The following STAC variants were observed in gnomAD, a reference collection of about 807,000 sequenced individuals.
STAC encodes SH3 and cysteine-rich domain-containing protein.
STAC carries 43 observed loss-of-function variants against 48.8 expected under a neutral mutation model. The ratio of observed to expected loss-of-function variants is 0.88; its 90% CI spans 0.69 to 1.14. The LOEUF (loss-of-function observed/expected upper bound fraction) is 1.14. STAC is among the 50% of genes most tolerant of loss of function. The pLI, the probability that STAC is intolerant of heterozygous loss-of-function variation, is 0.00. For missense variants in STAC, 497 were observed against 504.0 expected, an observed-to-expected ratio of 0.99 and a Z score of 0.13; for synonymous variants, 193 against 179.5, an observed-to-expected ratio of 1.07 and a Z score of -0.60.
intron 1 of STAC, among the ~76,000 whole-genome samples, chr3:36,409,081 G>A (rs1398657615): frequency 6.6e-6 from 1 of 152,180 alleles, no homozygotes; most frequent in Non-Finnish European, 1.5e-5. Flanking sequence ...GTAAAGGATT[G>A]AAGTCAAGGT....
chr3:36,445,468 G>A (rs1696481953), intron 2 of STAC, among the ~76,000 whole-genome samples: 1 of 152,148 alleles, frequency 6.6e-6, no homozygotes. Flanking sequence ...TGGAGCAGAA[G>A]GGAAGGGGAG....
chr3:36,532,192 G>A lies in STAC; in HGVS notation c.1110+3207G>A, dbSNP rs139808994. On this transcript the variant is annotated intron_variant, in intron 10 of 10. Transcript: ENST00000273183. ...GCTTATATAGATGCAATAACCCCAAGAGGTGTATGCCATCTAACGATTTTT... is the reference window on the plus strand; with the variant it reads ...GCTTATATAGATGCAATAACCCCAAAAGGTGTATGCCATCTAACGATTTTT... 3.1e-3 allele frequency among the ~76,000 whole-genome samples: 466 copies of A among 152,204 alleles called. 5 individuals carry two copies. Among genetic ancestry groups the A allele is most frequent in the Non-Finnish European group, 2.7e-3 (185 of 68,010 alleles).
At chr3:36,457,727 G>A (rs1478451344) in intron 2 of STAC, among the ~76,000 whole-genome samples, 3 of 152,174 alleles carry the variant, frequency 2.0e-5, no homozygotes, top group East Asian at 3.9e-4. Context: ...CCAGATGGTC[G>A]TGAGAAAATG....
At chr3:36,536,628 T>C (rs911315801) in intron 10 of STAC, among the ~76,000 whole-genome samples, 3 of 152,058 alleles carry the variant, frequency 2.0e-5, no homozygotes, top group African/African-American at 7.2e-5. Flanking sequence ...AGGCAAAGAC[T>C]TCCTGACGAA....
intron 8 of STAC, among the ~76,000 whole-genome samples, chr3:36,522,384 G>A (rs948503114): frequency 3.9e-5 from 6 of 152,108 alleles, no homozygotes; most frequent in Non-Finnish European, 7.4e-5. Flanking sequence ...ACCATCTAAT[G>A]GGCGCTTATC....
intron 1 of STAC, among the ~76,000 whole-genome samples, chr3:36,394,975 T>G (rs1187506544): frequency 1.3e-5 from 2 of 151,280 alleles, no homozygotes; most frequent in Non-Finnish European, 1.5e-5. Flanking sequence ...GGGAGAGAGA[T>G]AACTCAGGAA....
chr3:36,541,342 A>C (rs1699319751), intron 10 of STAC, among the ~76,000 whole-genome samples: 1 of 152,220 alleles, frequency 6.6e-6, no homozygotes, highest in African/African-American at 2.4e-5. Context: ...AGGGATGGGC[A>C]ACAGAATGAA....
chr3:36,429,692 G>A (rs1700647158), intron 1 of STAC, among the ~76,000 whole-genome samples: 1 of 152,104 alleles, frequency 6.6e-6, no homozygotes, highest in African/African-American at 2.4e-5. Flanking sequence ...TGCCTCCTCG[G>A]AATTGAGTTG....
chr3:36,483,680 C>T (rs1483505221), intron 3 of STAC, among the ~76,000 whole-genome samples: 5 of 152,186 alleles, frequency 3.3e-5, no homozygotes. Context: ...AAGCCAGGCA[C>T]AATGGCTCAC....
intron 10 of STAC, among the ~76,000 whole-genome samples, chr3:36,544,927 G>C (rs898374566): frequency 6.6e-6 from 1 of 152,128 alleles, no homozygotes; most frequent in Non-Finnish European, 1.5e-5. Context: ...TCTGAAGCAC[G>C]AGTCAGATAC....
chr3:36,396,002 A>C (rs145480755), intron 1 of STAC, among the ~76,000 whole-genome samples: 193 of 152,156 alleles, frequency 1.3e-3, no homozygotes, highest in African/African-American at 3.9e-3. Flanking sequence ...TCAGTCCTAG[A>C]GTCTTTCTGG....
intron 1 of STAC, among the ~76,000 whole-genome samples, chr3:36,406,599 T>C (rs1700092576): frequency 6.6e-6 from 1 of 152,232 alleles, no homozygotes; most frequent in Non-Finnish European, 1.5e-5. Context: ...CAGCATGTGT[T>C]ATAATGTGTC....
chr3:36,387,567 T>C (rs935747201), intron 1 of STAC, among the ~76,000 whole-genome samples: 4 of 152,136 alleles, frequency 2.6e-5, no homozygotes, highest in African/African-American at 4.8e-5. Flanking sequence ...GGGTTTACCA[T>C]ATAAGAGAAA....
chr3:36,423,799 A>G (rs1381691621), intron 1 of STAC, among the ~76,000 whole-genome samples: 1 of 152,130 alleles, frequency 6.6e-6, no homozygotes, highest in Non-Finnish European at 1.5e-5. Context: ...TGTTGCTACA[A>G]GATGTTTTCA....
intron 8 of STAC, among the ~76,000 whole-genome samples, chr3:36,511,581 A>G (rs1370655046): frequency 6.6e-6 from 1 of 152,238 alleles, no homozygotes; most frequent in Non-Finnish European, 1.5e-5. Context: ...ATTAGCACTC[A>G]AAACTATTTA....
intron 1 of STAC, among the ~76,000 whole-genome samples, chr3:36,418,925 T>TA (rs200133141): frequency 0.023 from 3,515 of 151,612 alleles, 60 homozygotes; most frequent in Non-Finnish European, 0.026. Flanking sequence ...TGCATGCCTG[T>TA]ACTCCCAGCT....
chr3:36,544,422 G>A lies in STAC; in HGVS notation c.1111-1769G>A, dbSNP rs568434897. On this transcript the variant is annotated intron_variant, in intron 10 of 10. Coordinates refer to ENST00000273183, the MANE Select transcript of STAC (RefSeq NM_003149.3). ...TGACCCCAAGTGATCCACCCATCTC[G>A]GCCTCCCAAAGTGCTGGGATTACAG... 2.2e-3 allele frequency among the ~76,000 whole-genome samples: 335 copies of A among 152,080 alleles called. 2 individuals carry two copies. The highest frequency in any genetic ancestry group is 4.3e-3 in the Admixed American group (65 of 15,284).
chr3:36,429,691 G>A (rs538478648), intron 1 of STAC, among the ~76,000 whole-genome samples: 2 of 152,230 alleles, frequency 1.3e-5, no homozygotes, highest in East Asian at 1.9e-4. Context: ...TTGCCTCCTC[G>A]GAATTGAGTT....
intron 1 of STAC, among the ~76,000 whole-genome samples, chr3:36,435,093 C>G (rs1245915728): frequency 6.6e-6 from 1 of 152,154 alleles, no homozygotes; most frequent in Non-Finnish European, 1.5e-5. Context: ...TTTCTGTTTT[C>G]TCATCTGTAA....
Sources: gnomAD v4.1 joint callset for allele counts (sites outside exome capture counted in the v4.1 genomes callset) on GRCh38, gnomAD v4.1.1 for gene constraint, MANE v1.5 for transcripts, NCBI Gene and HGNC (gene_info 2026-07-23, HGNC 2026-07-21) for gene names.